The following PHACTR1 variants were observed in gnomAD, a reference collection of about 807,000 sequenced individuals.
PHACTR1 encodes phosphatase and actin regulator 1, also known as RPEL repeat containing 1.
Under a neutral mutation model 69.2 loss-of-function variants are expected in PHACTR1, and 16 were observed. The observed-to-expected ratio is 0.23, with a 90% CI of 0.16 to 0.35. The LOEUF (loss-of-function observed/expected upper bound fraction) is 0.35, where lower values mean the gene tolerates loss of function less well. PHACTR1 is among the 10% of genes least tolerant of loss of function. The pLI is 1.00. For synonymous variants in PHACTR1, 312 were observed against 284.5 expected (o/e 1.10, Z -0.97); for missense variants, 510 against 734.7 (o/e 0.69, Z 3.54).
intron 7 of PHACTR1, among the ~76,000 whole-genome samples, chr6:13,194,143 G>T (rs181105260): frequency 6.6e-6 from 1 of 152,172 alleles, no homozygotes; most frequent in African/African-American, 2.4e-5. Flanking sequence ...GATGGCTCAC[G>T]CCTGTAATCC....
rs565586841 is a variant in PHACTR1 at position 13,047,967 on chromosome 6, C to T, written c.251-5398C>T. ...TTGCCACCAGGGCTGGGGTTCAGAA[C>T]ACCATCTGGCCTAGGTACTTTGGTT... On this transcript the variant is annotated intron_variant, in intron 4 of 14. Transcript: ENST00000332995. Among the ~76,000 whole-genome samples the T allele has an allele frequency of 7.9e-5, 12 of 152,188 alleles. 1 individual carries two copies. The South Asian group carries it at 2.5e-3, about 32-fold the overall frequency.
chr6:12,819,567 G>A (rs1775974620), intron 4 of PHACTR1, among the ~76,000 whole-genome samples: 1 of 152,052 alleles, frequency 6.6e-6, no homozygotes, highest in Non-Finnish European at 1.5e-5. Flanking sequence ...ACTGTGTCTC[G>A]ATTTTTTCTG....
chr6:13,173,721 G>C (rs1760929429), intron 6 of PHACTR1, among the ~76,000 whole-genome samples: 1 of 152,156 alleles, frequency 6.6e-6, no homozygotes, highest in Non-Finnish European at 1.5e-5. Flanking sequence ...CCTCTCTGAG[G>C]TGTTTAGATG....
intron 7 of PHACTR1, among the ~76,000 whole-genome samples, chr6:13,201,940 A>G (rs901137545): frequency 6.6e-6 from 1 of 152,204 alleles, no homozygotes; most frequent in Non-Finnish European, 1.5e-5. Flanking sequence ...ACTTTTGTTC[A>G]TTTTTATGAA....
chr6:12,957,490 C>G (rs1024748442), intron 4 of PHACTR1: 2 of 985,250 alleles, frequency 2.0e-6, no homozygotes, highest in Non-Finnish European at 2.4e-6. Flanking sequence ...TCAAGTAAAA[C>G]GCAGGACTCC....
intron 5 of PHACTR1, among the ~76,000 whole-genome samples, chr6:13,147,731 TC>T (rs1185188412): frequency 6.6e-6 from 1 of 152,116 alleles, no homozygotes; most frequent in African/African-American, 2.4e-5. Context: ...AGTGTTTTAT[TC>T]CCCCTCAGAA....
At chr6:13,108,894 G>A (rs540239463) in intron 5 of PHACTR1, among the ~76,000 whole-genome samples, 1 of 151,664 alleles carries the variant, frequency 6.6e-6, no homozygotes, top group South Asian at 2.1e-4. Context: ...CACCCCTTTT[G>A]CCATCTTTTG....
chr6:12,879,504 G>A (rs1352847219), intron 4 of PHACTR1, among the ~76,000 whole-genome samples: 1 of 152,094 alleles, frequency 6.6e-6, no homozygotes, highest in Admixed American at 6.5e-5. Context: ...AGAAGTAGCA[G>A]GTCTTGTCTT....
intron 4 of PHACTR1, among the ~76,000 whole-genome samples, chr6:12,858,543 C>T (rs752558301): frequency 1.1e-4 from 16 of 152,056 alleles, no homozygotes; most frequent in South Asian, 2.1e-4. Flanking sequence ...CTGTAATCCC[C>T]GCACTTTGGA....
chr6:13,222,349 C>T (rs1768802354), intron 8 of PHACTR1, among the ~76,000 whole-genome samples: 1 of 152,176 alleles, frequency 6.6e-6, no homozygotes, highest in Non-Finnish European at 1.5e-5. Context: ...ATGAGAAAAC[C>T]TGTTTCACTC....
intron 5 of PHACTR1, among the ~76,000 whole-genome samples, chr6:13,127,051 T>G (rs548396507): frequency 2.6e-5 from 4 of 152,200 alleles, no homozygotes; most frequent in African/African-American, 9.7e-5. Context: ...TATGCTGAAT[T>G]GGACAGAGCA....
At chr6:12,934,796 A>G (rs1331941986) in intron 4 of PHACTR1, among the ~76,000 whole-genome samples, 2 of 151,978 alleles carry the variant, frequency 1.3e-5, no homozygotes, top group East Asian at 3.9e-4. Flanking sequence ...AGATCATGCC[A>G]CTACACTCCA....
intron 4 of PHACTR1, among the ~76,000 whole-genome samples, chr6:12,922,073 G>A (rs1003216448): frequency 6.6e-6 from 1 of 152,170 alleles, no homozygotes; most frequent in Admixed American, 6.5e-5. Flanking sequence ...GCACTATAAA[G>A]CAGAGAACAT....
chr6:13,188,247 T>C (rs1414229398), intron 7 of PHACTR1, among the ~76,000 whole-genome samples: 1 of 152,268 alleles, frequency 6.6e-6, no homozygotes, highest in African/African-American at 2.4e-5. Flanking sequence ...GCTATCCTTT[T>C]GGGCTTAAAC....
intron 4 of PHACTR1, among the ~76,000 whole-genome samples, chr6:12,750,910 A>G (rs1483676211): frequency 6.6e-6 from 1 of 152,254 alleles, no homozygotes; most frequent in Non-Finnish European, 1.5e-5. Context: ...AAAATAAGTT[A>G]TAAAGCAGAT....
At chr6:13,207,688 T>C (rs1244373814) in intron 8 of PHACTR1, among the ~76,000 whole-genome samples, 1 of 152,190 alleles carries the variant, frequency 6.6e-6, no homozygotes, top group East Asian at 1.9e-4. Flanking sequence ...ATTGCTTGAC[T>C]GAGTGCCCTG....
intron 5 of PHACTR1, among the ~76,000 whole-genome samples, chr6:13,095,806 T>A (rs1814141412): frequency 7.9e-6 from 1 of 127,344 alleles, no homozygotes; most frequent in African/African-American, 3.0e-5. Flanking sequence ...TAAAGCTTAC[T>A]GGGTAACCTA....
chr6:12,977,679 G>C (rs1287253100), intron 4 of PHACTR1, among the ~76,000 whole-genome samples: 4 of 152,180 alleles, frequency 2.6e-5, no homozygotes, highest in African/African-American at 9.6e-5. Context: ...AATGGGGAAA[G>C]GTGATGTTTT....
Position 13,234,805 on chromosome 6 carries a change from CCA to C in PHACTR1, c.1391+4613_1391+4614del, listed in dbSNP as rs371217821. 6.1e-4 allele frequency among the ~76,000 whole-genome samples: 93 copies of C among 152,214 alleles called. 1 individual carries two copies. The South Asian group carries it at 0.019, about 31-fold the overall frequency. On this transcript the variant is annotated intron_variant, in intron 10 of 14. Coordinates refer to ENST00000332995, the MANE Select transcript of PHACTR1 (RefSeq NM_030948.6). ...TGCCATTGGAGACGTGTGGACTGCCCCAGAGACATGAACATTGGTCAACAGGG... is the reference window on the plus strand; with the variant it reads ...TGCCATTGGAGACGTGTGGACTGCCCGAGACATGAACATTGGTCAACAGGG...
Sources: allele counts gnomAD v4.1 joint callset (sites outside exome capture counted in the v4.1 genomes callset), GRCh38; gene constraint gnomAD v4.1.1; transcripts MANE v1.5; gene names NCBI Gene and HGNC (gene_info 2026-07-23, HGNC 2026-07-21).